The following EPHA6 variants were observed in gnomAD, a reference collection of about 807,000 sequenced individuals.
The protein encoded by EPHA6 is EPH receptor A6.
In EPHA6, 50 loss-of-function variants were observed where a neutral mutation model predicts 112.0. The ratio of observed to expected loss-of-function variants is 0.45; its 90% confidence interval spans 0.36 to 0.56. EPHA6 has a LOEUF of 0.56. Ranked by LOEUF, EPHA6 falls within the 20% of genes least tolerant of loss-of-function variation. The pLI, the probability that EPHA6 is intolerant of heterozygous loss-of-function variation, is 0.00. For missense variants in EPHA6, 1,280 were observed against 1,417.4 expected, an observed-to-expected ratio of 0.90 and a Z score of 1.56; for synonymous variants, 529 against 490.7, an observed-to-expected ratio of 1.08 and a Z score of -1.03.
At chr3:97,658,560 A>G (rs564166636) in intron 14 of EPHA6, among the ~76,000 whole-genome samples, 3 of 152,002 alleles carry the variant, frequency 2.0e-5, no homozygotes, top group African/African-American at 7.2e-5. Flanking sequence ...TAATATCTCT[A>G]AAGTCAATGG....
chr3:97,545,836 C>T (rs2092937870), intron 11 of EPHA6, among the ~76,000 whole-genome samples: 2 of 151,956 alleles, frequency 1.3e-5, no homozygotes, highest in African/African-American at 4.8e-5. Flanking sequence ...TCTTTTTCTC[C>T]TTTGATCTTT....
At chr3:97,349,388 T>A (rs75862191) in intron 5 of EPHA6, among the ~76,000 whole-genome samples, 3 of 152,060 alleles carry the variant, frequency 2.0e-5, no homozygotes, top group African/African-American at 4.8e-5. Context: ...CATATACTTA[T>A]GTTTCTCTTC....
chr3:97,650,341 G>A (rs2094098781), intron 14 of EPHA6, among the ~76,000 whole-genome samples: 1 of 152,070 alleles, frequency 6.6e-6, no homozygotes, highest in African/African-American at 2.4e-5. Context: ...CAGATGTTAA[G>A]CATATGATGG....
intron 14 of EPHA6, among the ~76,000 whole-genome samples, chr3:97,698,418 T>G (rs1294072070): frequency 6.6e-6 from 1 of 152,214 alleles, no homozygotes; most frequent in Non-Finnish European, 1.5e-5. Context: ...AGGTTTTTTT[T>G]TTTTGTAAAA....
At chr3:97,616,400 A>C (rs1443876752) in intron 13 of EPHA6, among the ~76,000 whole-genome samples, 1 of 152,210 alleles carries the variant, frequency 6.6e-6, no homozygotes, top group Admixed American at 6.5e-5. Flanking sequence ...TTACCTCTCC[A>C]GCAAGGGTTC....
At chr3:97,145,377 T>G (rs1046412630) in intron 3 of EPHA6, among the ~76,000 whole-genome samples, 2 of 151,460 alleles carry the variant, frequency 1.3e-5, no homozygotes, top group African/African-American at 4.8e-5. Flanking sequence ...GGGCTGTATT[T>G]TTCTTCCTTT....
At chr3:97,487,336 A>G (rs2107509168) in intron 10 of EPHA6, among the ~76,000 whole-genome samples, 1 of 152,388 alleles carries the variant, frequency 6.6e-6, no homozygotes, top group Non-Finnish European at 1.5e-5. Flanking sequence ...TCAGAAATAA[A>G]TGTAAAACAG....
At chr3:97,028,586 A>C (rs1056943155) in intron 3 of EPHA6, among the ~76,000 whole-genome samples, 1 of 152,116 alleles carries the variant, frequency 6.6e-6, no homozygotes, top group African/African-American at 2.4e-5. Context: ...TTAAGGAACA[A>C]GTACCATGAT....
intron 3 of EPHA6, among the ~76,000 whole-genome samples, chr3:97,023,632 A>AT (rs1224766904): frequency 2.0e-5 from 3 of 151,960 alleles, no homozygotes; most frequent in African/African-American, 7.2e-5. Flanking sequence ...ACTTTATAGT[A>AT]TATGACCTTT....
At chr3:97,735,872 A>T in intron 15 of EPHA6, 53 bp from the exon 16 acceptor site, 1 of 1,334,996 alleles carries the variant, frequency 7.5e-7, no homozygotes, top group South Asian at 1.9e-5. Flanking sequence ...AAATTATAGC[A>T]TATGTATTAC....
chr3:97,698,042 G>A (rs2033147233), intron 14 of EPHA6, among the ~76,000 whole-genome samples: 1 of 152,168 alleles, frequency 6.6e-6, no homozygotes, highest in Non-Finnish European at 1.5e-5. Flanking sequence ...CACTCTTGTT[G>A]CCCAGGCTGG....
intron 10 of EPHA6, among the ~76,000 whole-genome samples, chr3:97,525,954 A>T (rs2092613574): frequency 6.6e-6 from 1 of 152,162 alleles, no homozygotes; most frequent in Admixed American, 6.5e-5. Context: ...CCTGTTGGAT[A>T]ACTAAATGAG....
intron 3 of EPHA6, among the ~76,000 whole-genome samples, chr3:97,120,614 A>G (rs1673017460): frequency 6.6e-6 from 1 of 152,018 alleles, no homozygotes; most frequent in Non-Finnish European, 1.5e-5. Context: ...GCTTACTGTC[A>G]TGTATATGTT....
At chr3:97,299,314 G>A (rs529428013) in intron 5 of EPHA6, among the ~76,000 whole-genome samples, 2 of 151,882 alleles carry the variant, frequency 1.3e-5, no homozygotes, top group East Asian at 3.9e-4. Flanking sequence ...GGCCATATGA[G>A]AGCATATTTC....
At position 97,585,616 on chromosome 3, in the gene EPHA6, G is replaced by A. The variant is rs146541586; in HGVS notation, c.2387-6996G>A. ...ACAGTTACCTGAAGGATTTTTTTAA[G>A]TTAAAAATAAAACAGTAATGGTCAT... On this transcript the variant is annotated intron_variant, in intron 11 of 17. Transcript: ENST00000389672. Among the ~76,000 whole-genome samples the A allele has an allele frequency of 1.4e-3, 208 of 151,622 alleles. 3 individuals are homozygous for A. The East Asian group carries it at 0.035, about 26-fold the overall frequency.
chr3:97,748,885 C>T lies in EPHA6; in HGVS notation c.*184C>T, dbSNP rs1008604505. On this transcript the variant is annotated 3_prime_UTR_variant, in exon 18 of 18. Coordinates refer to ENST00000389672, the MANE Select transcript of EPHA6 (RefSeq NM_001080448.3). ...ATTTTAAAATCATGCTACATAAATC[C>T]GTTCTGAATAACCTGCAACTAAAAC... 16 of 563,144 alleles carry T rather than the reference C, an allele frequency of 2.8e-5. No individual in the cohort carries two copies. The highest frequency in any genetic ancestry group is 1.4e-4 in the East Asian group (5 of 35,282). The allele number at this position is 563,144 out of a possible 1,614,324, so 34.9% of individuals were successfully genotyped here. A position where few individuals can be genotyped will look rare whatever the true frequency, so the allele number is the denominator to read the frequency against.
chr3:97,390,670 A>G lies in EPHA6; in HGVS notation c.1607-14480A>G, dbSNP rs113481472. 5.5e-3 allele frequency among the ~76,000 whole-genome samples: 835 copies of G among 152,138 alleles called. 10 individuals carry two copies. The highest frequency in any genetic ancestry group is 0.019 in the African/African-American group (804 of 41,526). ...GAGTATACAGAAAACATTATGTAGA[A>G]TCTTAGGGTAAGCTGTGATATCCTA... On this transcript the variant is annotated intron_variant, in intron 5 of 17. Coordinates refer to ENST00000389672, the MANE Select transcript of EPHA6 (RefSeq NM_001080448.3).
At chr3:97,184,059 A>G (rs2077058809) in intron 3 of EPHA6, among the ~76,000 whole-genome samples, 2 of 152,152 alleles carry the variant, frequency 1.3e-5, no homozygotes, top group South Asian at 4.1e-4. Context: ...TATACCTGAA[A>G]TGTTTGTATA....
chr3:97,355,236 G>T (rs2084010389), intron 5 of EPHA6, among the ~76,000 whole-genome samples: 1 of 152,106 alleles, frequency 6.6e-6, no homozygotes, highest in Non-Finnish European at 1.5e-5. Context: ...TGTAACTGTG[G>T]TGTGTAAACT....
Sources: gnomAD v4.1 joint callset for allele counts (sites outside exome capture counted in the v4.1 genomes callset) on GRCh38, gnomAD v4.1.1 for gene constraint, MANE v1.5 for transcripts, NCBI Gene and HGNC (gene_info 2026-07-23, HGNC 2026-07-21) for gene names.